PTPRM: variants seen among roughly 807,000 people sequenced by gnomAD.
The protein encoded by PTPRM is protein tyrosine phosphatase receptor type M.
Under a neutral mutation model 186.7 loss-of-function variants are expected in PTPRM, and 47 were observed. That is an observed-to-expected ratio of 0.25 (90% CI 0.20 to 0.32). The LOEUF is 0.32. Ranked by LOEUF, PTPRM falls within the 10% of genes least tolerant of loss-of-function variation. PTPRM has a pLI of 1.00. For synonymous variants in PTPRM, 668 were observed against 674.9 expected, an observed-to-expected ratio of 0.99 and a Z score of 0.16; for missense variants, 1,494 against 1,865.0, an observed-to-expected ratio of 0.80 and a Z score of 3.66.
chr18:7,729,424 G>T (rs747017450), intron 1 of PTPRM, among the ~76,000 whole-genome samples: 1 of 152,076 alleles, frequency 6.6e-6, no homozygotes, highest in East Asian at 1.9e-4. Context: ...CATGCCTTAG[G>T]CTGGTCTTTG....
intron 7 of PTPRM, among the ~76,000 whole-genome samples, chr18:7,999,860 G>A (rs1264725066): frequency 6.6e-6 from 1 of 152,068 alleles, no homozygotes; most frequent in Admixed American, 6.5e-5. Flanking sequence ...TATGGAGGCT[G>A]GCAAGTCCCA....
intron 7 of PTPRM, among the ~76,000 whole-genome samples, chr18:7,988,060 C>G (rs2083064353): frequency 6.6e-6 from 1 of 151,454 alleles, no homozygotes; most frequent in African/African-American, 2.4e-5. Flanking sequence ...TGGCATGTGC[C>G]TGTCCTCCCA....
At chr18:8,312,871 A>G (rs1290318317) in intron 20 of PTPRM, among the ~76,000 whole-genome samples, 1 of 152,206 alleles carries the variant, frequency 6.6e-6, no homozygotes, top group Non-Finnish European at 1.5e-5. Flanking sequence ...AGGCACTGAC[A>G]TGAAATAATG....
At chr18:8,251,500 G>A (rs2094527879) in intron 17 of PTPRM, 1 of 152,180 alleles carries the variant, frequency 6.6e-6, no homozygotes, top group Non-Finnish European at 1.5e-5. Flanking sequence ...AGGTTTATTT[G>A]TGACTGTTAA....
Position 7,959,263 on chromosome 18 carries a change from A to G in PTPRM, c.1132+3849A>G, listed in dbSNP as rs369705243. 9.2e-5 allele frequency among the ~76,000 whole-genome samples: 14 copies of G among 152,294 alleles called. No individual in the cohort carries two copies. In the East Asian group the frequency reaches 9.6e-4, roughly 10 times the overall value. On this transcript the variant is annotated intron_variant, in intron 7 of 32. Coordinates refer to ENST00000580170, the MANE Select transcript of PTPRM (RefSeq NM_001105244.2). ...TAGACACTGGCTACCTCATTACCCA[A>G]TGTTTTAGAAATATTGCTTATCTGG...
intron 1 of PTPRM, among the ~76,000 whole-genome samples, chr18:7,755,855 G>A (rs1002524018): frequency 9.8e-5 from 15 of 152,308 alleles, no homozygotes; most frequent in Admixed American, 9.8e-4. Context: ...AAGCTGAGAG[G>A]CTGCTGTGGT....
chr18:7,724,501 TA>T (rs141107112), intron 1 of PTPRM, among the ~76,000 whole-genome samples: 4,078 of 152,286 alleles, frequency 0.027, 171 homozygotes, highest in African/African-American at 0.093. Flanking sequence ...AGCACACCTG[TA>T]GGTTGCTGGT....
chr18:7,634,950 A>C (rs1479472559), intron 1 of PTPRM, among the ~76,000 whole-genome samples: 1 of 152,220 alleles, frequency 6.6e-6, no homozygotes, highest in Non-Finnish European at 1.5e-5. Context: ...TAAGCAATGA[A>C]TTATTAATGT....
At chr18:8,313,788 A>G (rs2095287415) in intron 20 of PTPRM, among the ~76,000 whole-genome samples, 1 of 151,830 alleles carries the variant, frequency 6.6e-6, no homozygotes, top group Non-Finnish European at 1.5e-5. Flanking sequence ...TATCATTCTT[A>G]TGCCTTTGTG....
chr18:7,642,582 A>G (rs963796384), intron 1 of PTPRM, among the ~76,000 whole-genome samples: 1 of 152,208 alleles, frequency 6.6e-6, no homozygotes, highest in Admixed American at 6.5e-5. Flanking sequence ...GTGGGAAATA[A>G]AAGACCGCCT....
intron 2 of PTPRM, among the ~76,000 whole-genome samples, chr18:7,818,849 T>A (rs776612054): frequency 3.9e-5 from 6 of 152,172 alleles, no homozygotes; most frequent in Non-Finnish European, 8.8e-5. Flanking sequence ...CTGCTGTCCA[T>A]GGAGGATTCA....
chr18:8,183,068 C>T (rs1270338630), intron 14 of PTPRM, among the ~76,000 whole-genome samples: 1 of 152,174 alleles, frequency 6.6e-6, no homozygotes, highest in Non-Finnish European at 1.5e-5. Context: ...AGGTTGTAGT[C>T]ACACAGCACT....
chr18:8,168,368 A>G (rs2093352542), intron 14 of PTPRM, among the ~76,000 whole-genome samples: 3 of 152,180 alleles, frequency 2.0e-5, no homozygotes, highest in Non-Finnish European at 2.9e-5. Flanking sequence ...GCCTTATAAC[A>G]TCGTTTGTAA....
At chr18:8,332,770 G>C (rs538563507) in intron 22 of PTPRM, among the ~76,000 whole-genome samples, 1 of 152,184 alleles carries the variant, frequency 6.6e-6, no homozygotes, top group African/African-American at 2.4e-5. Flanking sequence ...GTTGAGAAGA[G>C]ATGTGTCATT....
chr18:7,691,307 T>A (rs967823022), intron 1 of PTPRM, among the ~76,000 whole-genome samples: 1 of 152,170 alleles, frequency 6.6e-6, no homozygotes, highest in Admixed American at 6.5e-5. Context: ...ATATTATATG[T>A]CTATATTTTG....
chr18:8,112,942 A>C (rs2091820805), intron 11 of PTPRM, among the ~76,000 whole-genome samples: 1 of 152,168 alleles, frequency 6.6e-6, no homozygotes, highest in South Asian at 2.1e-4. Flanking sequence ...ATTTCTTTCC[A>C]CTGACTGAAT....
chr18:7,995,116 A>T (rs185676408), intron 7 of PTPRM, among the ~76,000 whole-genome samples: 102 of 152,238 alleles, frequency 6.7e-4, no homozygotes, highest in African/African-American at 2.2e-3. Context: ...AATTAGAACA[A>T]AAAGGAGACA....
Position 7,964,447 on chromosome 18 carries a change from G to T in PTPRM, c.1132+9033G>T, listed in dbSNP as rs115551922. Among the ~76,000 whole-genome samples the T allele has an allele frequency of 8.9e-3, 1,343 of 151,436 alleles. 6 individuals carry two copies. Among genetic ancestry groups the T allele is most frequent in the African/African-American group, 0.013 (534 of 40,888 alleles). On this transcript the variant is annotated intron_variant, in intron 7 of 32. Coordinates refer to ENST00000580170, the MANE Select transcript of PTPRM (RefSeq NM_001105244.2). The stretch of plus-strand genomic sequence containing the variant: ...TAATCCTTCTGGTCAGTGTTTTTTT[G>T]TTGTTGTTGTTGTTTGTTTGTTTGT...
chr18:7,716,688 C>T (rs2040340018), intron 1 of PTPRM, among the ~76,000 whole-genome samples: 1 of 152,176 alleles, frequency 6.6e-6, no homozygotes, highest in East Asian at 1.9e-4. Flanking sequence ...ACAGACACTT[C>T]TCAATAGAAG....
Sources: allele counts gnomAD v4.1 joint callset (sites outside exome capture counted in the v4.1 genomes callset), GRCh38; gene constraint gnomAD v4.1.1; transcripts MANE v1.5; gene names NCBI Gene and HGNC (gene_info 2026-07-23, HGNC 2026-07-21).